The following NBEAL2 variants were observed in gnomAD, a reference collection of about 807,000 sequenced individuals.
NBEAL2 encodes neurobeachin-like protein 2.
Under a neutral mutation model 299.8 loss-of-function variants are expected in NBEAL2, and 160 were observed. The ratio of observed to expected loss-of-function variants is 0.53; its 90% CI spans 0.47 to 0.61. The LOEUF (loss-of-function observed/expected upper bound fraction) is 0.61, where lower values mean the gene tolerates loss of function less well. NBEAL2 is among the 20% of genes least tolerant of loss of function. The pLI, the probability that NBEAL2 is intolerant of heterozygous loss-of-function variation, is 0.00. For synonymous variants in NBEAL2, 1,493 were observed against 1,542.3 expected, an observed-to-expected ratio of 0.97 and a Z score of 0.75; for missense variants, 3,112 against 3,649.0, an observed-to-expected ratio of 0.85 and a Z score of 3.79.
chr3:47,003,845 G>C lies in NBEAL2; in HGVS notation c.5750G>C (p.Arg1917Pro). ...PMEAAELDEQ[R>P]EKLVLSAECQ... ...GAGGCAGCAGAACTGGATGAGCAGC[G>C]TGAGAAGCTGGTGCTGTCGGCCGAG... The change falls in exon 36 of 54, where the codon CGT becomes CCT. Residue 1917 changes from arginine (R) to proline (P), a missense_variant. Arg to Pro is a moderately radical substitution (Grantham distance 103). Coordinates refer to ENST00000450053, the MANE Select transcript of NBEAL2 (RefSeq NM_015175.3). The surrounding 1 kb of genome is among the most constrained non-coding windows in gnomAD (Gnocchi z 7.0). 1 of 1,611,472 alleles carries C rather than the reference G, an allele frequency of 6.2e-7. No individual in the cohort carries two copies. Among genetic ancestry groups the C allele is most frequent in the Non-Finnish European group, 8.5e-7 (1 of 1,178,674 alleles).
At chr3:46,983,508 C>T (rs2035492587) in intron 1 of NBEAL2, among the ~76,000 whole-genome samples, 1 of 152,054 alleles carries the variant, frequency 6.6e-6, no homozygotes, top group African/African-American at 2.4e-5. Flanking sequence ...CGGGGTTTCA[C>T]TATGTTGGCT....
At chr3:46,997,960 C>T (rs1487012664) in intron 20 of NBEAL2, 107 bp from the exon 21 acceptor site, 1 of 1,373,790 alleles carries the variant, frequency 7.3e-7, no homozygotes, top group Non-Finnish European at 9.7e-7. Context: ...AGGCTGGTGG[C>T]CATGTTTGTG....
rs1575623239 is a variant in NBEAL2 at position 47,005,244 on chromosome 3, C to G, written c.6483C>G (p.Ser2161=). Residue 2161 remains serine (S), a synonymous_variant, in exon 40 of 54, where the codon TCC becomes TCG. Transcript: ENST00000450053. ...AGTTCCACTATGGCACCCACTACTC[C>G]AATGCAGCAGGCGTGATGCACTACC... ...IDKFHYGTHY[S]NAAGVMHYLI... 4 of 1,613,606 alleles carry G rather than the reference C, an allele frequency of 2.5e-6. No individual in the cohort carries two copies. The highest frequency in any genetic ancestry group is 3.4e-6 in the Non-Finnish European group (4 of 1,179,874).
In NBEAL2 at chr3:46,997,566, C is replaced by A. The variant is rs374349472; in HGVS notation, c.2830C>A (p.Arg944=). The stretch of plus-strand genomic sequence containing the variant: ...CCCTTCCTGATGGCTGGCAGAGGAA[C>A]GGATGGAGAGGAACGCAGTGGCTGC... ...VLPLGKSSEE[R]MERNAVAAFL... Residue 944 remains arginine (R), a synonymous_variant, in exon 20 of 54, where the codon CGG becomes AGG. Coordinates refer to ENST00000450053, the MANE Select transcript of NBEAL2 (RefSeq NM_015175.3). 3.8e-6 allele frequency: 6 copies of A among 1,593,416 alleles called. No homozygotes were observed. In the Admixed American group the frequency reaches 5.1e-5, roughly 14 times the overall value.
At position 46,991,239 on chromosome 3, in the gene NBEAL2, C is replaced by G; in HGVS notation, c.577C>G (p.His193Asp). Residue 193 changes from histidine to aspartate, a missense_variant, in exon 7 of 54, where the codon CAC becomes GAC. Physicochemically the swap from His to Asp is moderately conservative, Grantham distance 81. Transcript: ENST00000450053. This position sits in a 1 kb window ranked among gnomAD's most constrained non-coding sequence, Gnocchi z 6.2. ...CCCAGAGAGCCTACAGAATGCAGACCACTTGCCTCCCATACTGCTGTTACG... is the reference window on the plus strand; with the variant it reads ...CCCAGAGAGCCTACAGAATGCAGACGACTTGCCTCCCATACTGCTGTTACG... ...FFQESLQNAD[H>D]LPPILLLRLI... 6.2e-7 allele frequency: 1 copy of G among 1,607,780 alleles called. No homozygotes were observed. The highest frequency in any genetic ancestry group is 1.3e-5 in the African/African-American group (1 of 74,862).
chr3:46,998,571 G>T lies in NBEAL2; in HGVS notation c.3221+6G>T. 6.2e-7 allele frequency: 1 copy of T among 1,605,906 alleles called. No individual in the cohort carries two copies. The highest frequency in any genetic ancestry group is 8.5e-7 in the Non-Finnish European group (1 of 1,176,420). On this transcript the variant is annotated splice_donor_region_variant and intron_variant, in intron 22 of 53. Transcript: ENST00000450053. ...GCTCTGCGCACCCACTACAGGTGAG[G>T]CCAGTGGGGCCAGATGGGCCATGGG...
intron 22 of NBEAL2, 28 bp from the exon 23 acceptor site, chr3:46,998,686 ACCT>A: frequency 6.4e-7 from 1 of 1,558,866 alleles, no homozygotes; most frequent in Admixed American, 1.9e-5. Flanking sequence ...TTTCTTTGGG[ACCT>A]GGCTGGGTGT....
Position 46,999,490 on chromosome 3 carries a change from G to A in NBEAL2, c.3703+16G>A. 1.3e-6 allele frequency: 2 copies of A among 1,580,558 alleles called. No individual in the cohort carries two copies. Among genetic ancestry groups the A allele is most frequent in the Non-Finnish European group, 1.7e-6 (2 of 1,162,634 alleles). On this transcript the variant is annotated intron_variant, in intron 25 of 53. Coordinates refer to ENST00000450053, the MANE Select transcript of NBEAL2 (RefSeq NM_015175.3). ...CTGGGGGCAGGTACAACCTGGTTAA[G>A]GCCAAGTGGAGGGGGTGACATGTCA...
Position 46,999,471 on chromosome 3 carries a change from G to T in NBEAL2, c.3700G>T (p.Ala1234Ser). Reference protein sequence around the residue: ...CQGLYKLFLGADCLNLSDLLA... With the variant: ...CQGLYKLFLGSDCLNLSDLLA... ...GGGCCTCTACAAGCTGTTCCTGGGG[G>T]CAGGTACAACCTGGTTAAGGCCAAG... is the stretch of plus-strand genomic sequence containing the variant. The change falls in exon 25 of 54, where the codon GCA becomes TCA. Residue 1234 changes from alanine (A) to serine (S), a missense_variant. Physicochemically the swap from Ala to Ser is moderately conservative, Grantham distance 99 (BLOSUM62 1). Around this residue, in one of 3 missense-constraint regions of NBEAL2, gnomAD observed 2,243 missense variants for 2,538.1 expected, o/e 0.88. Transcript: ENST00000450053. 6.3e-7 allele frequency: 1 copy of T among 1,580,002 alleles called. No individual in the cohort carries two copies. Among genetic ancestry groups the T allele is most frequent in the Non-Finnish European group, 8.6e-7 (1 of 1,162,796 alleles).
At chr3:46,999,172 G>C in intron 24 of NBEAL2, 55 bp downstream of exon 24, 2 of 1,546,226 alleles carry the variant, frequency 1.3e-6, no homozygotes, top group Non-Finnish European at 1.8e-6. Flanking sequence ...CCCCTGCCTG[G>C]GGTTCAGGGA....
chr3:47,007,104 C>G lies in NBEAL2; in HGVS notation c.7173C>G (p.Val2391=), dbSNP rs779247790. The G allele has an allele frequency of 6.2e-7, 1 of 1,613,404 alleles. No individual in the cohort carries two copies. The highest frequency in any genetic ancestry group is 8.5e-7 in the Non-Finnish European group (1 of 1,179,670). ...SDGVPLVLAL[V]PHRQPHSFIT... is the part of the protein sequence containing the mutation. Reference sequence around the variant, plus strand: ...GTGTACCCCTGGTGCTAGCCCTGGTCCCCCACCGGCAGCCCCACTCCTTCA... The same window carrying G: ...GTGTACCCCTGGTGCTAGCCCTGGTGCCCCACCGGCAGCCCCACTCCTTCA... The change falls in exon 46 of 54, where the codon GTC becomes GTG. Residue 2391 remains valine, a synonymous_variant. Coordinates refer to ENST00000450053, the MANE Select transcript of NBEAL2 (RefSeq NM_015175.3).
At position 46,999,012 on chromosome 3, in the gene NBEAL2, G is replaced by A. The variant is rs763446055; in HGVS notation, c.3438G>A (p.Gln1146=). ...CCCTGCTGCACGGTTCCCTGGTGCA[G>A]GAGTCCTTGGCTGTCTTTCTGTTGG... ...LLALLHGSLV[Q]ESLAVFLLEP... is the part of the protein sequence containing the mutation. Residue 1146 remains glutamine (Q), a synonymous_variant, in exon 24 of 54, where the codon CAG becomes CAA. Transcript: ENST00000450053. The A allele has an allele frequency of 3.7e-6, 6 of 1,605,500 alleles. No individual in the cohort carries two copies. In the East Asian group the frequency reaches 1.1e-4, roughly 30 times the overall value.
At position 47,001,148 on chromosome 3, in the gene NBEAL2, C is replaced by T. The variant is rs918878322; in HGVS notation, c.4453C>T (p.Leu1485Phe). ...VLTQLGASATLVRPPDCIKRS... is the reference protein window; with the variant it reads ...VLTQLGASATFVRPPDCIKRS... The stretch of plus-strand genomic sequence containing the variant: ...CACCCAGCTGGGGGCCTCAGCCACA[C>T]TTGTGCGCCCACCAGACTGCATCAA... Residue 1485 changes from leucine (L) to phenylalanine (F), a missense_variant, in exon 28 of 54, where the codon CTT becomes TTT. Physicochemically the swap from Leu to Phe is conservative, Grantham distance 22. This residue lies in a region of NBEAL2 where 2,243 missense variants were observed against 2,538.1 expected (regional missense o/e 0.88). Transcript: ENST00000450053. The surrounding 1 kb of genome is among the most constrained non-coding windows in gnomAD (Gnocchi z 6.1). 1 of 1,612,790 alleles carries T rather than the reference C, an allele frequency of 6.2e-7. No homozygotes were observed. Among genetic ancestry groups the T allele is most frequent in the African/African-American group, 1.3e-5 (1 of 75,022 alleles).
Position 47,002,228 on chromosome 3 carries a change from C to A in NBEAL2, c.5091C>A (p.Phe1697Leu). The A allele has an allele frequency of 1.3e-6, 2 of 1,544,026 alleles. No homozygotes were observed. Among genetic ancestry groups the A allele is most frequent in the Non-Finnish European group, 1.7e-6 (2 of 1,143,744 alleles). The change falls in exon 31 of 54, where the codon TTC (phenylalanine) becomes TTA (leucine). Residue 1697 changes from phenylalanine to leucine, a missense_variant. By Grantham distance (22) the Phe-to-Leu change is conservative. Coordinates refer to ENST00000450053, the MANE Select transcript of NBEAL2 (RefSeq NM_015175.3). ...SLPPTNGSPT[F>L]FEDFQAFCAT... Reference sequence around the variant, plus strand: ...CACCCACCAATGGCAGCCCCACCTTCTTTGAAGACTTCCAGGCTTTTTGTG... The same window carrying A: ...CACCCACCAATGGCAGCCCCACCTTATTTGAAGACTTCCAGGCTTTTTGTG...
At chr3:46,990,624 G>A (rs900584815) in intron 6 of NBEAL2, among the ~76,000 whole-genome samples, 3 of 152,234 alleles carry the variant, frequency 2.0e-5, no homozygotes, top group Admixed American at 1.3e-4. Flanking sequence ...TGCCAGGCAT[G>A]TGACCCGGGG....
chr3:46,983,476 AT>A (rs1290552666), intron 1 of NBEAL2, among the ~76,000 whole-genome samples: 1 of 151,694 alleles, frequency 6.6e-6, no homozygotes, highest in Non-Finnish European at 1.5e-5. Context: ...CACCCGGCTA[AT>A]TTTTGTATTT....
intron 40 of NBEAL2, 35 bp downstream of exon 40, chr3:47,005,356 C>A: frequency 1.3e-6 from 2 of 1,593,996 alleles, no homozygotes; most frequent in Admixed American, 1.7e-5. Context: ...GACTAGGGGG[C>A]AGATAAGGGG....
rs556168633 is a variant in NBEAL2, at chr3:47,009,003, C to T, written c.8042C>T (p.Ala2681Val). ...ILQLNTLLPA[A>V]PPLPMKVAIR... is the part of the protein sequence containing the mutation. The stretch of plus-strand genomic sequence containing the variant: ...CTCCCTTCCAGACTGCTCCCGGCCG[C>T]GCCTCCCTTGCCCATGAAGGTGGCC... The change falls in exon 53 of 54, where the codon GCG (alanine) becomes GTG (valine). Residue 2681 changes from alanine (A) to valine (V), a missense_variant. Around this residue, in one of 3 missense-constraint regions of NBEAL2, gnomAD observed 348 missense variants for 381.4 expected, o/e 0.91. Transcript: ENST00000450053. 3 of 1,599,684 alleles carry T rather than the reference C, an allele frequency of 1.9e-6. No homozygotes were observed. Among genetic ancestry groups the T allele is most frequent in the South Asian group, 2.2e-5 (2 of 91,084 alleles).
chr3:46,997,168 GC>G (rs1251342697), intron 18 of NBEAL2, 90 bp from the exon 19 acceptor site: 2 of 1,573,684 alleles, frequency 1.3e-6, no homozygotes, highest in Non-Finnish European at 1.7e-6. Flanking sequence ...GCTCAAGAGA[GC>G]AAAACTTCCT....
Sources: allele counts gnomAD v4.1 joint callset (sites outside exome capture counted in the v4.1 genomes callset), GRCh38; gene constraint gnomAD v4.1.1; regional missense constraint gnomAD v4.1.1; non-coding constraint Gnocchi (gnomAD v3.1); transcripts MANE v1.5; gene names NCBI Gene and HGNC (gene_info 2026-07-23, HGNC 2026-07-21).